The following SFXN1 variants were observed in gnomAD, a reference collection of about 807,000 sequenced individuals.
The protein encoded by SFXN1 is sideroflexin 1.
In SFXN1, 32 loss-of-function variants were observed where a neutral mutation model predicts 39.5. That is an observed-to-expected ratio of 0.81 (90% CI 0.61 to 1.09). SFXN1 has a LOEUF of 1.09. Among genes scored for constraint, SFXN1 ranks in the 50% least tolerant of loss-of-function variants. SFXN1 has a pLI of 0.00. For missense variants in SFXN1, 402 were observed against 407.1 expected, an observed-to-expected ratio of 0.99 and a Z score of 0.11; for synonymous variants, 136 against 146.5, an observed-to-expected ratio of 0.93 and a Z score of 0.52.
chr5:175,507,633 TAAAG>T (rs1760356676), intron 2 of SFXN1, among the ~76,000 whole-genome samples: 2 of 152,188 alleles, frequency 1.3e-5, no homozygotes, highest in African/African-American at 2.4e-5. Context: ...GCTTCTTTGA[TAAAG>T]AGAAGAAGTA....
intron 8 of SFXN1, 74 bp downstream of exon 8, chr5:175,516,737 T>A: frequency 6.7e-7 from 1 of 1,497,350 alleles, no homozygotes; most frequent in Non-Finnish European, 9.2e-7. Flanking sequence ...ATAGATTATT[T>A]GCTACCTAAA....
At chr5:175,498,044 C>G (rs576581448) in intron 2 of SFXN1, among the ~76,000 whole-genome samples, 10 of 140,500 alleles carry the variant, frequency 7.1e-5, no homozygotes, top group African/African-American at 2.7e-4. Flanking sequence ...TGTTTTAATT[C>G]TTTGATCAAA....
chr5:175,513,911 G>A (rs1269085048), intron 7 of SFXN1, among the ~76,000 whole-genome samples: 1 of 151,908 alleles, frequency 6.6e-6, no homozygotes, highest in Admixed American at 6.6e-5. Context: ...TGTGTTACAG[G>A]CATTACGGGT....
rs6897275 is a variant in SFXN1, at chr5:175,528,012, C to T, written c.*1278C>T. 0.7 allele frequency: 106,088 copies of T among 150,770 alleles called. 39,714 individuals are homozygous for T. Among genetic ancestry groups the T allele is most frequent in the Non-Finnish European group, 0.83 (56,029 of 67,836 alleles). The allele number at this position is 150,770 out of a possible 1,614,324, so 9.3% of individuals were successfully genotyped here. A position where few individuals can be genotyped will look rare whatever the true frequency, so the allele number is the denominator to read the frequency against. On this transcript the variant is annotated 3_prime_UTR_variant, in exon 11 of 11. Transcript: ENST00000321442. Reference sequence around the variant, plus strand: ...TCGGCTCACTGCAAGCTCCGCCTCCCGGGTTCACGCCGTTCTCCTGCCTCA... The same window carrying T: ...TCGGCTCACTGCAAGCTCCGCCTCCTGGGTTCACGCCGTTCTCCTGCCTCA...
intron 2 of SFXN1, among the ~76,000 whole-genome samples, chr5:175,498,091 A>G (rs752303110): frequency 4.0e-5 from 6 of 151,422 alleles, no homozygotes; most frequent in Non-Finnish European, 7.4e-5. Context: ...TGAGAAATTA[A>G]TGAGAAAATT....
In SFXN1 at chr5:175,524,126, ATATATATATAT is replaced by A. The variant is rs1260227532; in HGVS notation, c.872+1705_872+1715del. The A allele has an allele frequency of 9.4e-4, 19 of 20,266 alleles. No individual in the cohort carries two copies. In the South Asian group the frequency reaches 9.8e-3, roughly 10 times the overall value. 1.3% of individuals were successfully genotyped at this position (20,266 alleles called of 1,614,324 possible). On this transcript the variant is annotated intron_variant, in intron 10 of 10. Transcript: ENST00000321442. ...CTCAAAAAAAAAAAAAAAAAAAAAA[ATATATATATAT>A]ATATATATATATATATATATATATA...
chr5:175,508,798 C>G (rs961302799), intron 2 of SFXN1, among the ~76,000 whole-genome samples: 1 of 151,948 alleles, frequency 6.6e-6, no homozygotes, highest in South Asian at 2.1e-4. Context: ...CCACCGCACC[C>G]GGCTAATTTT....
At chr5:175,503,296 G>A (rs939958927) in intron 2 of SFXN1, among the ~76,000 whole-genome samples, 2 of 152,106 alleles carry the variant, frequency 1.3e-5, no homozygotes, top group Admixed American at 6.5e-5. Context: ...AATGCTTCCC[G>A]ATTCATTGCA....
At chr5:175,482,019 T>G (rs773090895) in intron 1 of SFXN1, among the ~76,000 whole-genome samples, 3 of 152,184 alleles carry the variant, frequency 2.0e-5, no homozygotes, top group African/African-American at 7.2e-5. Context: ...CAGACAGAAC[T>G]GTGAAGGCTG....
chr5:175,528,598 G>C lies in SFXN1; in HGVS notation c.*1864G>C, dbSNP rs1040157655. 4 of 152,024 alleles carry C rather than the reference G, an allele frequency of 2.6e-5. No individual in the cohort carries two copies. The highest frequency in any genetic ancestry group is 2.6e-4 in the Admixed American group (4 of 15,254). 9.4% of individuals were successfully genotyped at this position (152,024 alleles called of 1,614,324 possible). A position where few individuals can be genotyped will look rare whatever the true frequency, so the allele number is the denominator to read the frequency against. On this transcript the variant is annotated 3_prime_UTR_variant, in exon 11 of 11. Coordinates refer to ENST00000321442, the MANE Select transcript of SFXN1 (RefSeq NM_022754.7). ...TGACCAGACTGAATTTCCTCATAAA[G>C]AAAAAATGGCGTGCCTTGTGTCTGT...
chr5:175,506,407 G>A (rs1188926866), intron 2 of SFXN1, among the ~76,000 whole-genome samples: 4 of 152,162 alleles, frequency 2.6e-5, no homozygotes, highest in Non-Finnish European at 4.4e-5. Flanking sequence ...GACTAGTCAA[G>A]TAGAGAAAAA....
intron 2 of SFXN1, among the ~76,000 whole-genome samples, chr5:175,498,802 A>G (rs1759962728): frequency 6.6e-6 from 1 of 152,226 alleles, no homozygotes; most frequent in African/African-American, 2.4e-5. Flanking sequence ...AATTGACTCA[A>G]TCCAAAAGAA....
At chr5:175,512,030 G>GCA (rs1760536554) in intron 5 of SFXN1, 81 bp from the exon 6 acceptor site, 6 of 1,334,584 alleles carry the variant, frequency 4.5e-6, no homozygotes, top group Non-Finnish European at 6.3e-6. Flanking sequence ...ATTTTTCAGA[G>GCA]TTTTCAAGAA....
At chr5:175,491,884 A>C (rs965604872) in intron 1 of SFXN1, 2 of 450,416 alleles carry the variant, frequency 4.4e-6, no homozygotes, top group Non-Finnish European at 7.8e-6. Flanking sequence ...ATATGTAGGA[A>C]ACTATTGAAA....
At chr5:175,484,083 C>CACA (rs34745416) in intron 1 of SFXN1, 11,439 of 152,276 alleles carry the variant, frequency 0.075, 686 homozygotes, top group African/African-American at 0.17. Context: ...CATGATTATT[C>CACA]CTGTTCCCAG....
intron 2 of SFXN1, among the ~76,000 whole-genome samples, chr5:175,502,180 G>GT (rs761630341): frequency 1.7e-4 from 26 of 152,306 alleles, no homozygotes; most frequent in Admixed American, 4.6e-4. Flanking sequence ...CTGATCTTAG[G>GT]TTTTACAATA....
intron 1 of SFXN1, among the ~76,000 whole-genome samples, chr5:175,481,729 A>C (rs1277749109): frequency 6.6e-6 from 1 of 152,246 alleles, no homozygotes; most frequent in Non-Finnish European, 1.5e-5. Context: ...GGCAGGCCCA[A>C]CGTCTCCATG....
chr5:175,515,515 T>C (rs115166724), intron 7 of SFXN1, among the ~76,000 whole-genome samples: 1,901 of 152,330 alleles, frequency 0.012, 34 homozygotes, highest in African/African-American at 0.043. Flanking sequence ...CAGTTTAGCC[T>C]GATAAAAGTT....
chr5:175,522,071 G>C (rs545640961), intron 9 of SFXN1, 103 bp downstream of exon 9: 35 of 962,240 alleles, frequency 3.6e-5, no homozygotes, highest in Admixed American at 9.2e-5. Context: ...TGAAAATGAG[G>C]CCATCTCAGA....
Sources: gnomAD v4.1 joint callset for allele counts (sites outside exome capture counted in the v4.1 genomes callset) on GRCh38, gnomAD v4.1.1 for gene constraint, MANE v1.5 for transcripts, NCBI Gene and HGNC (gene_info 2026-07-23, HGNC 2026-07-21) for gene names.